MLLT6: variants seen among roughly 807,000 people sequenced by gnomAD.
The protein encoded by MLLT6 is MLLT6, PHD finger containing.
In MLLT6, 22 loss-of-function variants were observed where a neutral mutation model predicts 103.0. The observed-to-expected ratio is 0.21, with a 90% CI of 0.15 to 0.31. The LOEUF is 0.31. MLLT6 is among the 10% of genes least tolerant of loss of function. MLLT6 has a pLI of 1.00. For missense variants in MLLT6, 1,199 were observed against 1,441.7 expected, an observed-to-expected ratio of 0.83 and a Z score of 2.73; for synonymous variants, 606 against 623.5, an observed-to-expected ratio of 0.97 and a Z score of 0.42.
rs944592294 is a variant in MLLT6, at chr17:38,719,522, G to T, written c.1948G>T (p.Asp650Tyr). 2.5e-6 allele frequency: 4 copies of T among 1,610,458 alleles called. No individual in the cohort carries two copies. Among genetic ancestry groups the T allele is most frequent in the Non-Finnish European group, 3.4e-6 (4 of 1,178,760 alleles). The change falls in exon 13 of 20, where the codon GAC (aspartate) becomes TAC (tyrosine). Residue 650 changes from aspartate to tyrosine, a missense_variant. Coordinates refer to ENST00000621332, the MANE Select transcript of MLLT6 (RefSeq NM_005937.4). ...CAGCCTTCCCTTCTTCCAAGAGCCA[G>T]ACCTGGAGGACTGCAGCTTCCGGTG... ...SQAESSHTEP[D>Y]LEDCSFRCRG...
intron 16 of MLLT6, among the ~76,000 whole-genome samples, 188 bp from the exon 17 acceptor site, chr17:38,721,690 G>T (rs1009829256): frequency 6.6e-6 from 1 of 152,198 alleles, no homozygotes; most frequent in Non-Finnish European, 1.5e-5. Context: ...CCCAGGAAGG[G>T]GTCAGGAAAC....
At position 38,717,332 on chromosome 17, in the gene MLLT6, G is replaced by C; in HGVS notation, c.1652-100G>C. On this transcript the variant is annotated intron_variant, in intron 10 of 19. Coordinates refer to ENST00000621332, the MANE Select transcript of MLLT6 (RefSeq NM_005937.4). ...AGACTGGGGCATGTAGCCAGATCCC[G>C]GGGAGCACTCGAGCTGGGGAGGGGC... is the stretch of plus-strand genomic sequence containing the variant. 10 of 959,440 alleles carry C rather than the reference G, an allele frequency of 1.0e-5. No individual in the cohort carries two copies. In the South Asian group the frequency reaches 1.3e-4, roughly 12 times the overall value. 59.4% of individuals were successfully genotyped at this position (959,440 alleles called of 1,614,324 possible).
chr17:38,726,399 G>GTGTGTGTGTGTC lies in MLLT6; in HGVS notation c.*804_*805insGTGTGTGTCTGT, dbSNP rs1555624012. ...TGTGTGTGTGTGTGTGTGTGTGTGT[G>GTGTGTGTGTGTC]TGTCTGTCTGCCTGTCTCTCTCCTC... On this transcript the variant is annotated 3_prime_UTR_variant, in exon 20 of 20. Transcript: ENST00000621332. 1.7e-5 allele frequency: 4 copies of GTGTGTGTGTGTC among 233,700 alleles called. No individual in the cohort carries two copies. The highest frequency in any genetic ancestry group is 8.9e-5 in the African/African-American group (4 of 45,112). The allele number at this position is 233,700 out of a possible 1,614,324, so 14.5% of individuals were successfully genotyped here. A position where few individuals can be genotyped will look rare whatever the true frequency, so the allele number is the denominator to read the frequency against.
intron 19 of MLLT6, 106 bp from the exon 20 acceptor site, chr17:38,725,451 C>T (rs1377713235): frequency 1.2e-5 from 13 of 1,044,304 alleles, no homozygotes; most frequent in East Asian, 2.6e-5. Flanking sequence ...CCATTGGCCC[C>T]GTTTCAGTAC....
At chr17:38,710,057 G>A (rs1905092220) in intron 6 of MLLT6, among the ~76,000 whole-genome samples, 2 of 152,196 alleles carry the variant, frequency 1.3e-5, no homozygotes, top group African/African-American at 4.8e-5. Context: ...CTTGCAGCTG[G>A]TAGATGGGAT....
intron 8 of MLLT6, among the ~76,000 whole-genome samples, chr17:38,714,907 T>A (rs1006584450): frequency 3.9e-5 from 6 of 152,092 alleles, no homozygotes; most frequent in Non-Finnish European, 2.9e-5. Flanking sequence ...CAGTGCAGAG[T>A]GGCAGCTGTT....
chr17:38,711,448 G>A (rs1473088785), intron 6 of MLLT6, among the ~76,000 whole-genome samples: 1 of 152,090 alleles, frequency 6.6e-6, no homozygotes, highest in Non-Finnish European at 1.5e-5. Flanking sequence ...GGGAGCACTG[G>A]CTCCCCACGA....
Position 38,722,052 on chromosome 17 carries a change from G to T in MLLT6, c.2617G>T (p.Ala873Ser). 7.1e-7 allele frequency: 1 copy of T among 1,407,188 alleles called. No homozygotes were observed. Among genetic ancestry groups the T allele is most frequent in the Non-Finnish European group, 9.2e-7 (1 of 1,084,724 alleles). The allele number at this position is 1,407,188 out of a possible 1,614,324, so 87.2% of individuals were successfully genotyped here. Residue 873 changes from alanine (A) to serine (S), a missense_variant, in exon 17 of 20, where the codon GCG (alanine) becomes TCG (serine). By Grantham distance (99) the Ala-to-Ser change is moderately conservative. Transcript: ENST00000621332. ...QNGLGRAPGAAGLGAMPMAEG... is the reference protein window; with the variant it reads ...QNGLGRAPGASGLGAMPMAEG... The stretch of plus-strand genomic sequence containing the variant: ...CGGGTTGGGCCGGGCACCCGGGGCA[G>T]CGGGGCTGGGGGCCATGCCCATGGC...
chr17:38,721,810 G>T, intron 16 of MLLT6, 68 bp from the exon 17 acceptor site: 1 of 1,085,008 alleles, frequency 9.2e-7, no homozygotes, highest in South Asian at 1.6e-5. Flanking sequence ...AATGCTGGTG[G>T]GTGCTGGGCC....
chr17:38,705,854 A>T (rs1033412756), intron 1 of MLLT6, 113 bp downstream of exon 1: 1 of 314,596 alleles, frequency 3.2e-6, no homozygotes, highest in Non-Finnish European at 5.5e-6. Flanking sequence ...CCCCCACCCC[A>T]CCTGAAGGGA....
In MLLT6 at chr17:38,722,083, G is replaced by T; in HGVS notation, c.2648G>T (p.Gly883Val). The T allele has an allele frequency of 7.3e-7, 1 of 1,373,742 alleles. No individual in the cohort carries two copies. Among genetic ancestry groups the T allele is most frequent in the Non-Finnish European group, 9.4e-7 (1 of 1,068,080 alleles). The allele number at this position is 1,373,742 out of a possible 1,614,324, so 85.1% of individuals were successfully genotyped here. Residue 883 changes from glycine to valine, a missense_variant, in exon 17 of 20, where the codon GGG (glycine) becomes GTG (valine). Coordinates refer to ENST00000621332, the MANE Select transcript of MLLT6 (RefSeq NM_005937.4). The stretch of plus-strand genomic sequence containing the variant: ...CTGGGGGCCATGCCCATGGCTGAGG[G>T]GCTGTTGGGGGGGCTGGCAGGCAGT... Reference protein sequence around the residue: ...AGLGAMPMAEGLLGGLAGSGG... With the variant: ...AGLGAMPMAEVLLGGLAGSGG...
chr17:38,705,581 GACCCCCGCCGGCC>G lies in MLLT6; in HGVS notation c.-51_-39del. 5.9e-6 allele frequency: 1 copy of G among 169,470 alleles called. No homozygotes were observed. The highest frequency in any genetic ancestry group is 1.2e-5 in the Non-Finnish European group (1 of 80,936). 10.5% of individuals were successfully genotyped at this position (169,470 alleles called of 1,614,324 possible). ...GCTCCCTCCCTCCCCCCTGACCCCCGACCCCCGCCGGCCGGCCCCCCGCCCCAGCCCCGGAGGG... is the reference window on the plus strand; with the variant it reads ...GCTCCCTCCCTCCCCCCTGACCCCCGGGCCCCCCGCCCCAGCCCCGGAGGG... On this transcript the variant is annotated 5_prime_UTR_variant, in exon 1 of 20. Coordinates refer to ENST00000621332, the MANE Select transcript of MLLT6 (RefSeq NM_005937.4).
At position 38,715,540 on chromosome 17, in the gene MLLT6, C is replaced by T; in HGVS notation, c.820-72C>T. 2.0e-6 allele frequency: 3 copies of T among 1,506,280 alleles called. 1 individual carries two copies. The South Asian group carries it at 4.0e-5, about 20-fold the overall frequency. 93.3% of individuals were successfully genotyped at this position (1,506,280 alleles called of 1,614,324 possible). ...TTGAGCTAGGTCCTGTGCCCTCCTG[C>T]TTCACTCCCACATCAGGATCAGCAC... On this transcript the variant is annotated intron_variant, in intron 8 of 19. Transcript: ENST00000621332.
intron 2 of MLLT6, 75 bp downstream of exon 2, chr17:38,707,104 C>A: frequency 7.6e-7 from 1 of 1,322,986 alleles, no homozygotes; most frequent in Non-Finnish European, 1.1e-6. Context: ...AGCTAGGGGA[C>A]TCTGAGGCCG....
rs923798033 is a variant in MLLT6, at chr17:38,728,136, G to A, written c.*2538G>A. On this transcript the variant is annotated 3_prime_UTR_variant, in exon 20 of 20. Coordinates refer to ENST00000621332, the MANE Select transcript of MLLT6 (RefSeq NM_005937.4). ...TGGCGGTTAGGTTAGATTTGAAGAC[G>A]GGGCCCAGGCTGGGTATGAACGGGT... 3.9e-5 allele frequency: 9 copies of A among 233,180 alleles called. No homozygotes were observed. The highest frequency in any genetic ancestry group is 6.8e-5 in the Non-Finnish European group (8 of 118,090). The allele number at this position is 233,180 out of a possible 1,614,324, so 14.4% of individuals were successfully genotyped here.
intron 4 of MLLT6, 160 bp downstream of exon 4, chr17:38,708,032 GAC>G (rs1174340747): frequency 1.1e-5 from 7 of 613,462 alleles, no homozygotes; most frequent in Admixed American, 8.2e-5. Context: ...TCTGTTGACA[GAC>G]ACACTCATGC....
intron 2 of MLLT6, 148 bp from the exon 3 acceptor site, chr17:38,707,338 G>C (rs1021103531): frequency 4.3e-6 from 3 of 698,146 alleles, no homozygotes; most frequent in Non-Finnish European, 7.4e-6. Flanking sequence ...ATTTTCAACA[G>C]TTACCAACTC....
chr17:38,727,156 G>A lies in MLLT6; in HGVS notation c.*1558G>A, dbSNP rs865920054. On this transcript the variant is annotated 3_prime_UTR_variant, in exon 20 of 20. Transcript: ENST00000621332. ...GGGTTTTTTTTTTTTTTTTAATAAAGAAAAGAAGATGTGTATATTTTTGGC... is the reference window on the plus strand; with the variant it reads ...GGGTTTTTTTTTTTTTTTTAATAAAAAAAAGAAGATGTGTATATTTTTGGC... 129 of 225,518 alleles carry A rather than the reference G, an allele frequency of 5.7e-4. No individual in the cohort carries two copies. Among genetic ancestry groups the A allele is most frequent in the Middle Eastern group, 1.3e-3 (1 of 762 alleles). The allele number at this position is 225,518 out of a possible 1,614,324, so 14.0% of individuals were successfully genotyped here. A position where few individuals can be genotyped will look rare whatever the true frequency, so the allele number is the denominator to read the frequency against.
intron 8 of MLLT6, chr17:38,713,474 A>G: frequency 5.3e-6 from 1 of 188,860 alleles, no homozygotes; most frequent in Non-Finnish European, 1.1e-5. Context: ...AGATGGAGAA[A>G]CTGCTCCCTC....
Sources: allele counts gnomAD v4.1 joint callset (sites outside exome capture counted in the v4.1 genomes callset), GRCh38; gene constraint gnomAD v4.1.1; transcripts MANE v1.5; gene names NCBI Gene and HGNC (gene_info 2026-07-23, HGNC 2026-07-21).